The following KIF26B variants were observed in gnomAD, a reference collection of about 807,000 sequenced individuals.
The protein encoded by KIF26B is kinesin family member 26B.
KIF26B carries 63 observed loss-of-function variants against 151.2 expected under a neutral mutation model. The observed-to-expected ratio is 0.42, with a 90% CI of 0.34 to 0.51. KIF26B has a LOEUF of 0.51. Among genes scored for constraint, KIF26B ranks in the 20% least tolerant of loss-of-function variants. KIF26B has a pLI of 0.07. For synonymous variants in KIF26B, 1,357 were observed against 1,262.1 expected (o/e 1.08, Z -1.59); for missense variants, 2,813 against 2,913.6 (o/e 0.97, Z 0.79).
intron 4 of KIF26B, among the ~76,000 whole-genome samples, chr1:245,489,662 A>G (rs755238041): frequency 6.6e-6 from 1 of 152,224 alleles, no homozygotes; most frequent in African/African-American, 2.4e-5. Flanking sequence ...GGCTATGTAT[A>G]TGTAAAGTCC....
chr1:245,460,159 G>C (rs2103057252), intron 4 of KIF26B, among the ~76,000 whole-genome samples: 1 of 152,250 alleles, frequency 6.6e-6, no homozygotes, highest in East Asian at 1.9e-4. Context: ...TAGAGACAGG[G>C]TTTCACCATG....
intron 5 of KIF26B, among the ~76,000 whole-genome samples, chr1:245,584,727 A>G (rs2043206975): frequency 6.6e-6 from 1 of 152,260 alleles, no homozygotes. Context: ...AATAAAAGCA[A>G]TGAGAGAAAA....
chr1:245,290,730 C>G (rs933370942), intron 2 of KIF26B, among the ~76,000 whole-genome samples: 1 of 152,246 alleles, frequency 6.6e-6, no homozygotes, highest in Admixed American at 6.5e-5. Context: ...TGCAGCCCAG[C>G]AGGTCACAGC....
At chr1:245,471,664 C>T (rs10924203) in intron 4 of KIF26B, among the ~76,000 whole-genome samples, 12,749 of 152,096 alleles carry the variant, frequency 0.084, 601 homozygotes, top group South Asian at 0.13. Flanking sequence ...AGCTGTATGT[C>T]GGCGTTTTCT....
intron 5 of KIF26B, among the ~76,000 whole-genome samples, chr1:245,557,775 G>C (rs554845802): frequency 5.9e-5 from 9 of 152,338 alleles, no homozygotes; most frequent in African/African-American, 2.2e-4. Context: ...GTGAGCTACA[G>C]TAATTTTGGC....
chr1:245,406,392 G>T lies in KIF26B; in HGVS notation c.1000-13187G>T, dbSNP rs146778087. Among the ~76,000 whole-genome samples the T allele has an allele frequency of 2.0e-3, 309 of 152,290 alleles. 4 individuals are homozygous for T. The highest frequency in any genetic ancestry group is 7.1e-3 in the African/African-American group (293 of 41,554). ...TCTCCAATTTGGGCATCTCCTTCGT[G>T]GCTGTGGTATGGAGTGGCTCAGGGT... On this transcript the variant is annotated intron_variant, in intron 3 of 14. Coordinates refer to ENST00000407071, the MANE Select transcript of KIF26B (RefSeq NM_018012.4).
chr1:245,244,288 A>G lies in KIF26B; in HGVS notation c.465+87605A>G, dbSNP rs975559644. On this transcript the variant is annotated intron_variant, in intron 2 of 14. Coordinates refer to ENST00000407071, the MANE Select transcript of KIF26B (RefSeq NM_018012.4). The surrounding 1 kb of genome is among the most constrained non-coding windows in gnomAD (Gnocchi z 4.2). ...TATATTTTTTTCTAAATATCATTCT[A>G]TATGTTCTTCTAAAAGCCCATTTGT... Among the ~76,000 whole-genome samples the G allele has an allele frequency of 1.3e-5, 2 of 151,914 alleles. No individual in the cohort carries two copies. Among genetic ancestry groups the G allele is most frequent in the South Asian group, 2.1e-4 (1 of 4,808 alleles).
At chr1:245,405,852 A>G (rs537165443) in intron 3 of KIF26B, among the ~76,000 whole-genome samples, 4 of 152,308 alleles carry the variant, frequency 2.6e-5, no homozygotes, top group African/African-American at 9.6e-5. Context: ...AACAGAATAC[A>G]AGGTTTGGTG....
In KIF26B at chr1:245,686,762, C is replaced by G. The variant is rs368452963; in HGVS notation, c.3779C>G (p.Pro1260Arg). 5.0e-6 allele frequency: 8 copies of G among 1,613,434 alleles called. No homozygotes were observed. The highest frequency in any genetic ancestry group is 3.3e-5 in the Admixed American group (2 of 60,010). Residue 1260 changes from proline (P) to arginine (R), a missense_variant, in exon 12 of 15, where the codon CCG (proline) becomes CGG (arginine). Transcript: ENST00000407071. The surrounding 1 kb of genome is among the most constrained non-coding windows in gnomAD (Gnocchi z 5.6). The stretch of plus-strand genomic sequence containing the variant: ...AGCATCACACAGTTCTTGCCCCTCC[C>G]GAAGATGAGCCTGGATGAGAAGGCC... ...EVSITQFLPL[P>R]KMSLDEKAQD...
At chr1:245,361,396 T>G (rs1251202385) in intron 2 of KIF26B, among the ~76,000 whole-genome samples, 2 of 152,202 alleles carry the variant, frequency 1.3e-5, no homozygotes, top group East Asian at 3.9e-4. Context: ...CTGGAGAGTG[T>G]TTTTTTCTTT....
At chr1:245,198,861 T>C (rs896134101) in intron 2 of KIF26B, among the ~76,000 whole-genome samples, 2 of 90,600 alleles carry the variant, frequency 2.2e-5, no homozygotes, top group Admixed American at 2.4e-4. Context: ...CTCTGGAGAG[T>C]GTAACGGGGG....
At chr1:245,354,368 A>C (rs537679535) in intron 2 of KIF26B, among the ~76,000 whole-genome samples, 53 of 152,344 alleles carry the variant, frequency 3.5e-4, no homozygotes, top group Admixed American at 7.8e-4. Context: ...AACCCAGGCC[A>C]AGAGGCAGAG....
chr1:245,445,811 C>T (rs1006465469), intron 4 of KIF26B, among the ~76,000 whole-genome samples: 5 of 152,158 alleles, frequency 3.3e-5, no homozygotes, highest in African/African-American at 1.2e-4. Context: ...TCACTCTGCT[C>T]TCCTCCCAGA....
At chr1:245,203,972 A>G (rs1431003270) in intron 2 of KIF26B, among the ~76,000 whole-genome samples, 2 of 152,208 alleles carry the variant, frequency 1.3e-5, no homozygotes, top group African/African-American at 4.8e-5. Context: ...ACTTGAATAT[A>G]ATTAGGAACT....
intron 2 of KIF26B, among the ~76,000 whole-genome samples, chr1:245,230,324 T>A (rs569519855): frequency 6.6e-6 from 1 of 151,968 alleles, no homozygotes; most frequent in East Asian, 1.9e-4. Context: ...CTGAAGAGAG[T>A]GCTCTTGAAA....
intron 4 of KIF26B, among the ~76,000 whole-genome samples, chr1:245,527,671 C>T (rs1237105944): frequency 6.6e-6 from 1 of 150,936 alleles, no homozygotes; most frequent in Non-Finnish European, 1.5e-5. Flanking sequence ...GTAGCTGGGA[C>T]TACAGGCGCC....
Position 245,156,567 on chromosome 1 carries a change from G to A in KIF26B, c.349G>A (p.Gly117Ser), listed in dbSNP as rs1289443196. 1.3e-6 allele frequency: 2 copies of A among 1,531,532 alleles called. No individual in the cohort carries two copies. Among genetic ancestry groups the A allele is most frequent in the African/African-American group, 1.4e-5 (1 of 71,596 alleles). The allele number at this position is 1,531,532 out of a possible 1,614,324, so 94.9% of individuals were successfully genotyped here. The change falls in exon 2 of 15, where the codon GGC becomes AGC. Residue 117 changes from glycine (G) to serine (S), a missense_variant. Gly to Ser is a moderately conservative substitution (Grantham distance 56). This residue lies in a region of KIF26B where 676 missense variants were observed against 688.1 expected (regional missense o/e 0.98). Coordinates refer to ENST00000407071, the MANE Select transcript of KIF26B (RefSeq NM_018012.4). ...GTGSPGSGSG[G>S]GSSPGSDRGV... is the part of the protein sequence containing the mutation. The stretch of plus-strand genomic sequence containing the variant: ...AGGCTCCCCGGGCTCCGGCAGCGGC[G>A]GCGGCTCCTCCCCCGGCTCGGACCG...
intron 1 of KIF26B, 58 bp downstream of exon 1, chr1:245,155,545 C>G (rs1228197016): frequency 9.0e-6 from 13 of 1,437,524 alleles, no homozygotes; most frequent in Non-Finnish European, 1.3e-5. Flanking sequence ...GGCGGAGGTC[C>G]CCCTTTCCCC....
intron 10 of KIF26B, among the ~76,000 whole-genome samples, chr1:245,654,494 C>T (rs1044051263): frequency 6.6e-6 from 1 of 152,126 alleles, no homozygotes; most frequent in Non-Finnish European, 1.5e-5. Context: ...AGGGTATCCT[C>T]TCAGAAAGCT....
Sources: allele counts gnomAD v4.1 joint callset (sites outside exome capture counted in the v4.1 genomes callset), GRCh38; gene constraint gnomAD v4.1.1; regional missense constraint gnomAD v4.1.1; non-coding constraint Gnocchi (gnomAD v3.1); transcripts MANE v1.5; gene names NCBI Gene and HGNC (gene_info 2026-07-23, HGNC 2026-07-21).